Variants in NYNRIN observed in about 807,000 individuals in gnomAD.
NYNRIN encodes the protein protein NYNRIN.
Under a neutral mutation model 146.6 loss-of-function variants are expected in NYNRIN, and 86 were observed. The ratio of observed to expected loss-of-function variants is 0.59; its 90% CI spans 0.49 to 0.70. The LOEUF (loss-of-function observed/expected upper bound fraction) is 0.70. NYNRIN is among the 30% of genes least tolerant of loss of function. NYNRIN has a pLI of 0.00. For missense variants in NYNRIN, 2,191 were observed against 2,377.7 expected (o/e 0.92, Z 1.63); for synonymous variants, 1,027 against 1,001.3 (o/e 1.03, Z -0.48).
intron 6 of NYNRIN, among the ~76,000 whole-genome samples, chr14:24,412,274 T>C (rs904215419): frequency 6.6e-6 from 1 of 152,194 alleles, no homozygotes; most frequent in Non-Finnish European, 1.5e-5. Context: ...AAGATGGCTT[T>C]TCCGCAGACC....
At chr14:24,402,382 C>T (rs576794503) in intron 2 of NYNRIN, among the ~76,000 whole-genome samples, 1 of 151,874 alleles carries the variant, frequency 6.6e-6, no homozygotes, top group African/African-American at 2.4e-5. Flanking sequence ...ATGGGGTGGG[C>T]GGCAGAGAAG....
At position 24,410,131 on chromosome 14, in the gene NYNRIN, C is replaced by A; in HGVS notation, c.2337C>A (p.Phe779Leu). ...QRYHEALNTP[F>L]ELNLSGEPGN... ...ACCACGAGGCCCTGAATACACCCTTCGAGCTGAACCTGTCAGGGGAACCTG... is the reference window on the plus strand; with the variant it reads ...ACCACGAGGCCCTGAATACACCCTTAGAGCTGAACCTGTCAGGGGAACCTG... Residue 779 changes from phenylalanine to leucine, a missense_variant, in exon 4 of 9, where the codon TTC becomes TTA. Phe to Leu is a conservative substitution (Grantham distance 22, BLOSUM62 0). Transcript: ENST00000382554. 3 of 1,613,714 alleles carry A rather than the reference C, an allele frequency of 1.9e-6. No homozygotes were observed. The highest frequency in any genetic ancestry group is 2.5e-6 in the Non-Finnish European group (3 of 1,179,726).
intron 2 of NYNRIN, among the ~76,000 whole-genome samples, chr14:24,400,252 A>T (rs1472095974): frequency 6.6e-6 from 1 of 152,194 alleles, no homozygotes; most frequent in Non-Finnish European, 1.5e-5. Context: ...AGGCCAGATC[A>T]CAGTGCGCCT....
Position 24,399,360 on chromosome 14 carries a change from G to A in NYNRIN, c.114G>A (p.Lys38=), listed in dbSNP as rs1322331770. The part of the protein sequence containing the change: ...RLQVQRIFRV[K]LNAFQSRPDT... ...AAGTGCAGCGCATCTTTAGGGTCAA[G>A]CTGAACGCCTTCCAGAGCCGCCCGG... Residue 38 remains lysine (K), a synonymous_variant, in exon 2 of 9, where the codon AAG becomes AAA. Coordinates refer to ENST00000382554, the MANE Select transcript of NYNRIN (RefSeq NM_025081.3). 1 of 1,613,850 alleles carries A rather than the reference G, an allele frequency of 6.2e-7. No individual in the cohort carries two copies. The highest frequency in any genetic ancestry group is 2.2e-5 in the East Asian group (1 of 44,872).
intron 4 of NYNRIN, among the ~76,000 whole-genome samples, chr14:24,410,641 C>T (rs941675956): frequency 6.6e-6 from 1 of 152,258 alleles, no homozygotes; most frequent in African/African-American, 2.4e-5. Flanking sequence ...TGCCCTTCCT[C>T]CACAGTACTT....
At chr14:24,414,572 C>T in intron 8 of NYNRIN, 24 bp from the exon 9 acceptor site, 2 of 1,581,878 alleles carry the variant, frequency 1.3e-6, no homozygotes, top group Non-Finnish European at 1.7e-6. Context: ...GCTGCCCTTC[C>T]CTCTTCCATC....
At position 24,408,388 on chromosome 14, in the gene NYNRIN, A is replaced by G; in HGVS notation, c.718A>G (p.Ser240Gly). 1 of 1,613,866 alleles carries G rather than the reference A, an allele frequency of 6.2e-7. No individual in the cohort carries two copies. Among genetic ancestry groups the G allele is most frequent in the Non-Finnish European group, 8.5e-7 (1 of 1,179,882 alleles). Residue 240 changes from serine to glycine, a missense_variant, in exon 3 of 9, where the codon AGT becomes GGT. Coordinates refer to ENST00000382554, the MANE Select transcript of NYNRIN (RefSeq NM_025081.3). ...EAPAMVSVGE[S>G]PGPFVDMGTL... ...CCCAGCCATGGTGTCCGTGGGAGAG[A>G]GTCCTGGACCCTTTGTGGACATGGG...
rs2042893896 is a variant in NYNRIN, at chr14:24,409,091, A to G, written c.1297A>G (p.Arg433Gly). 1 of 1,613,700 alleles carries G rather than the reference A, an allele frequency of 6.2e-7. No homozygotes were observed. The highest frequency in any genetic ancestry group is 2.2e-5 in the East Asian group (1 of 44,874). The change falls in exon 4 of 9, where the codon AGA becomes GGA. Residue 433 changes from arginine to glycine, a missense_variant. This residue lies in a region of NYNRIN where 895 missense variants were observed against 941.2 expected (regional missense o/e 0.95). Coordinates refer to ENST00000382554, the MANE Select transcript of NYNRIN (RefSeq NM_025081.3). ...PLPSAESPAG[R>G]PDGGLGGEAA... ...GCCTAGTGCAGAAAGCCCAGCTGGT[A>G]GACCAGATGGGGGGCTGGGAGGAGA... is the stretch of plus-strand genomic sequence containing the variant.
rs1461494086 is a variant in NYNRIN, at chr14:24,415,969, A to C, written c.4220A>C (p.His1407Pro). 1 of 1,613,792 alleles carries C rather than the reference A, an allele frequency of 6.2e-7. No homozygotes were observed. ...TCCTCTGATGGGGCTCCACTCCCTC[A>C]CCCAAGCCTGCTCTCCTACATTATA... ...FLSSDGAPLP[H>P]PSLLSYIISL... is the part of the protein sequence containing the mutation. Residue 1407 changes from histidine (H) to proline (P), a missense_variant, in exon 9 of 9, where the codon CAC (histidine) becomes CCC (proline). His to Pro is a moderately conservative substitution (Grantham distance 77, BLOSUM62 -2). Transcript: ENST00000382554.
At chr14:24,402,568 C>T (rs552622820) in intron 2 of NYNRIN, among the ~76,000 whole-genome samples, 135 of 152,256 alleles carry the variant, frequency 8.9e-4, no homozygotes, top group African/African-American at 3.2e-3. Context: ...GAGCAGTACC[C>T]TGAGAGTTGG....
chr14:24,411,418 G>C lies in NYNRIN; in HGVS notation c.2610G>C (p.Glu870Asp). The C allele has an allele frequency of 6.2e-7, 1 of 1,614,044 alleles. No individual in the cohort carries two copies. Among genetic ancestry groups the C allele is most frequent in the Non-Finnish European group, 8.5e-7 (1 of 1,179,898 alleles). The change falls in exon 6 of 9, where the codon GAG becomes GAC. Residue 870 changes from glutamate (E) to aspartate (D), a missense_variant. By Grantham distance (45) the Glu-to-Asp change is conservative. Around this residue, in one of 3 missense-constraint regions of NYNRIN, gnomAD observed 1,291 missense variants for 1,417.0 expected, o/e 0.91. Transcript: ENST00000382554. This position sits in a 1 kb window ranked among gnomAD's most constrained non-coding sequence, Gnocchi z 4.3. ...TTTCAATCACACCCTCCCAGCTTGA[G>C]AATGGCAAGAAGATCACCACCTACG... ...KMLSITPSQL[E>D]NGKKITTYDY...
At chr14:24,399,120 C>G in intron 1 of NYNRIN, 34 bp downstream of exon 1, 1 of 866,444 alleles carries the variant, frequency 1.2e-6, no homozygotes, top group Non-Finnish European at 1.7e-6. Flanking sequence ...GGAGGCCGTG[C>G]GGGGGGCGCG....
chr14:24,404,039 C>T (rs996119967), intron 2 of NYNRIN, among the ~76,000 whole-genome samples: 3 of 152,108 alleles, frequency 2.0e-5, no homozygotes, highest in African/African-American at 4.8e-5. Context: ...CCCCTTTGTG[C>T]GGTTCTGTTT....
In NYNRIN at chr14:24,409,132, T is replaced by C. The variant is rs774797442; in HGVS notation, c.1338T>C (p.Asn446=). The C allele has an allele frequency of 2.5e-6, 4 of 1,613,898 alleles. No individual in the cohort carries two copies. Among genetic ancestry groups the C allele is most frequent in the Non-Finnish European group, 3.4e-6 (4 of 1,179,878 alleles). Reference sequence around the variant, plus strand: ...TGGGAGGAGAAGCAGCCCTGCAGAATTGCCCAAGGCCAGAGATTTCCCCAA... The same window carrying C: ...TGGGAGGAGAAGCAGCCCTGCAGAACTGCCCAAGGCCAGAGATTTCCCCAA... ...GGLGGEAALQ[N]CPRPEISPKV... Residue 446 remains asparagine, a synonymous_variant, in exon 4 of 9, where the codon AAT becomes AAC. Transcript: ENST00000382554.
intron 4 of NYNRIN, among the ~76,000 whole-genome samples, 185 bp from the exon 5 acceptor site, chr14:24,410,891 A>G (rs1273010293): frequency 1.3e-5 from 2 of 152,182 alleles, no homozygotes; most frequent in Non-Finnish European, 2.9e-5. Context: ...ATGCACGCGC[A>G]CACACACAGA....
rs1217223073 is a variant in NYNRIN, at chr14:24,415,118, G to A, written c.3369G>A (p.Lys1123=). The A allele has an allele frequency of 3.1e-6, 5 of 1,606,464 alleles. No individual in the cohort carries two copies. The highest frequency in any genetic ancestry group is 4.2e-6 in the Non-Finnish European group (5 of 1,179,420). ...TGGGCCCCCTGCACAGCCTCCTCAA[G>A]CAGAAGCCTGACTGGCAGTGGGACC... ...ALVGPLHSLL[K]QKPDWQWDQE... The change falls in exon 9 of 9, where the codon AAG becomes AAA. Residue 1123 remains lysine (K), a synonymous_variant. Coordinates refer to ENST00000382554, the MANE Select transcript of NYNRIN (RefSeq NM_025081.3).
At position 24,415,040 on chromosome 14, in the gene NYNRIN, C is replaced by T. The variant is rs1319221221; in HGVS notation, c.3291C>T (p.Phe1097=). Residue 1097 remains phenylalanine (F), a synonymous_variant, in exon 9 of 9, where the codon TTC becomes TTT. Coordinates refer to ENST00000382554, the MANE Select transcript of NYNRIN (RefSeq NM_025081.3). ...GCAACTTCACCGCACTCTCCTTCTT[C>T]ATGGGCTTCATGGACTCCCACAGGG... ...IPSNFTALSF[F]MGFMDSHRDA... 4.3e-6 allele frequency: 7 copies of T among 1,611,924 alleles called. No individual in the cohort carries two copies. The highest frequency in any genetic ancestry group is 5.9e-6 in the Non-Finnish European group (7 of 1,178,718).
In NYNRIN at chr14:24,416,310, G is replaced by A. The variant is rs764468087; in HGVS notation, c.4561G>A (p.Gly1521Ser). 3.7e-6 allele frequency: 6 copies of A among 1,613,768 alleles called. No homozygotes were observed. In the Admixed American group the frequency reaches 8.3e-5, roughly 22 times the overall value. ...CTCACTCAGCCTCGACAAGGAGAGT[G>A]GCCTGCTTATGTTCAAGGGAGATAA... ...FNSLSLDKES[G>S]LLMFKGDKKP... The change falls in exon 9 of 9, where the codon GGC becomes AGC. Residue 1521 changes from glycine to serine, a missense_variant. Coordinates refer to ENST00000382554, the MANE Select transcript of NYNRIN (RefSeq NM_025081.3).
Position 24,411,377 on chromosome 14 carries a change from C to T in NYNRIN, c.2569C>T (p.His857Tyr), listed in dbSNP as rs1441123158. ...AGAGAGCCACTTTCTGACGAAGCTA[C>T]ACTCGCTCAAGATGCTTTCAATCAC... ...VRESHFLTKL[H>Y]SLKMLSITPS... is the part of the protein sequence containing the mutation. The change falls in exon 6 of 9, where the codon CAC (histidine) becomes TAC (tyrosine). Residue 857 changes from histidine to tyrosine, a missense_variant. Physicochemically the swap from His to Tyr is moderately conservative, Grantham distance 83. Around this residue, in one of 3 missense-constraint regions of NYNRIN, gnomAD observed 1,291 missense variants for 1,417.0 expected, o/e 0.91. Transcript: ENST00000382554. This position sits in a 1 kb window ranked among gnomAD's most constrained non-coding sequence, Gnocchi z 4.3. 2.5e-6 allele frequency: 4 copies of T among 1,614,010 alleles called. No individual in the cohort carries two copies. Among genetic ancestry groups the T allele is most frequent in the Non-Finnish European group, 3.4e-6 (4 of 1,179,894 alleles).
Sources: gnomAD v4.1 joint callset for allele counts (sites outside exome capture counted in the v4.1 genomes callset) on GRCh38, gnomAD v4.1.1 for gene constraint, gnomAD v4.1.1 regional missense constraint, Gnocchi (gnomAD v3.1) non-coding constraint, MANE v1.5 for transcripts, NCBI Gene and HGNC (gene_info 2026-07-23, HGNC 2026-07-21) for gene names.